RHOQ: variants seen among roughly 807,000 people sequenced by gnomAD.
The protein encoded by RHOQ is rho-related GTP-binding protein RhoQ.
In RHOQ, 7 loss-of-function variants were observed where a neutral mutation model predicts 25.8. The ratio of observed to expected loss-of-function variants is 0.27; its 90% CI spans 0.15 to 0.51. RHOQ has a LOEUF of 0.51. Among genes scored for constraint, RHOQ ranks in the 20% least tolerant of loss-of-function variants. The probability of loss-of-function intolerance (pLI) is 0.97; values close to 1 mark genes in which losing one functional copy is unlikely to be tolerated. For missense variants in RHOQ, 165 were observed against 260.6 expected, an observed-to-expected ratio of 0.63 and a Z score of 2.53; for synonymous variants, 97 against 98.6, an observed-to-expected ratio of 0.98 and a Z score of 0.10.
intron 2 of RHOQ, among the ~76,000 whole-genome samples, chr2:46,562,391 A>G (rs1012772528): frequency 6.6e-6 from 1 of 152,172 alleles, no homozygotes; most frequent in Middle Eastern, 3.2e-3. Context: ...ATGACAGTTT[A>G]TCTGGTGATT....
At chr2:46,562,496 A>C (rs564354150) in intron 2 of RHOQ, among the ~76,000 whole-genome samples, 1 of 152,220 alleles carries the variant, frequency 6.6e-6, no homozygotes, top group Non-Finnish European at 1.5e-5. Flanking sequence ...TGCTTCAGAA[A>C]TGGCACTCCT....
chr2:46,546,473 T>C (rs868642485), intron 2 of RHOQ, among the ~76,000 whole-genome samples: 4 of 18,224 alleles, frequency 2.2e-4, no homozygotes, highest in South Asian at 2.9e-3. Context: ...TATATATATA[T>C]GTGTATATAT....
intron 2 of RHOQ, among the ~76,000 whole-genome samples, chr2:46,574,816 T>C (rs1188841255): frequency 6.6e-6 from 1 of 152,130 alleles, no homozygotes; most frequent in Non-Finnish European, 1.5e-5. Context: ...GAAAGGAAAA[T>C]TGTTCCATGA....
chr2:46,553,210 C>T (rs1192455850), intron 2 of RHOQ, among the ~76,000 whole-genome samples: 1 of 152,220 alleles, frequency 6.6e-6, no homozygotes, highest in African/African-American at 2.4e-5. Context: ...TGTACCTGCT[C>T]TTTGCAACCC....
At position 46,542,619 on chromosome 2, in the gene RHOQ, C is replaced by G. The variant is rs2103969047; in HGVS notation, c.-428C>G. 1 of 146,656 alleles carries G rather than the reference C, an allele frequency of 6.8e-6. No individual in the cohort carries two copies. Among genetic ancestry groups the G allele is most frequent in the Non-Finnish European group, 1.5e-5 (1 of 65,896 alleles). The allele number at this position is 146,656 out of a possible 1,614,324, so 9.1% of individuals were successfully genotyped here. A position where few individuals can be genotyped will look rare whatever the true frequency, so the allele number is the denominator to read the frequency against. On this transcript the variant is annotated 5_prime_UTR_variant, in exon 1 of 5. Coordinates refer to ENST00000238738, the MANE Select transcript of RHOQ (RefSeq NM_012249.4). ...GCTCGGGGAGGCGCCTGGGCCCGCC[C>G]TCCTCCGGGGCGCCGCGGGAGGGGC...
chr2:46,543,844 C>G (rs751074375), intron 2 of RHOQ, 32 bp downstream of exon 2: 2 of 1,596,470 alleles, frequency 1.3e-6, no homozygotes, highest in Admixed American at 1.7e-5. Context: ...CGACGCCCCC[C>G]TCCTGTTCCC....
intron 2 of RHOQ, chr2:46,568,892 A>G (rs1214872421): frequency 6.6e-6 from 1 of 152,238 alleles, no homozygotes. Context: ...TGAATGTTCT[A>G]TCAACATGAA....
At position 46,583,895 on chromosome 2, in the gene RHOQ, A is replaced by C. The variant is rs1045722401; in HGVS notation, c.*2812A>C. Among the ~76,000 whole-genome samples, 2 of 152,212 alleles carry C rather than the reference A, an allele frequency of 1.3e-5. No individual in the cohort carries two copies. Among genetic ancestry groups the C allele is most frequent in the Non-Finnish European group, 2.9e-5 (2 of 68,008 alleles). On this transcript the variant is annotated 3_prime_UTR_variant, in exon 5 of 5. Transcript: ENST00000238738. ...TGAGTTAATCAGTGTTTGCATATAG[A>C]GAATTAGTTCTAAAGTTCTTAAAAA... is the stretch of plus-strand genomic sequence containing the variant.
intron 2 of RHOQ, among the ~76,000 whole-genome samples, chr2:46,554,128 T>C (rs1397899959): frequency 1.3e-5 from 2 of 152,098 alleles, no homozygotes; most frequent in African/African-American, 4.8e-5. Context: ...TGTGTTTTTT[T>C]TTTTTAATTT....
At position 46,563,478 on chromosome 2, in the gene RHOQ, C is replaced by T. The variant is rs141113288; in HGVS notation, c.202-12609C>T. ...TGTGATAGGCCGGGAAGAGCCCCCA[C>T]GGGGAACCGTCTGTAGTATAAAAGG... On this transcript the variant is annotated intron_variant, in intron 2 of 4. Coordinates refer to ENST00000238738, the MANE Select transcript of RHOQ (RefSeq NM_012249.4). Among the ~76,000 whole-genome samples, 380 of 152,174 alleles carry T rather than the reference C, an allele frequency of 2.5e-3. 3 individuals carry two copies. The highest frequency in any genetic ancestry group is 0.024 in the Middle Eastern group (7 of 294).
chr2:46,554,586 A>G (rs549635665), intron 2 of RHOQ, among the ~76,000 whole-genome samples: 343 of 152,318 alleles, frequency 2.3e-3, no homozygotes, highest in African/African-American at 7.3e-3. Flanking sequence ...CCAAAGCATC[A>G]GATGGGCAAT....
At chr2:46,554,182 AC>A (rs1668339996) in intron 2 of RHOQ, among the ~76,000 whole-genome samples, 1 of 150,994 alleles carries the variant, frequency 6.6e-6, no homozygotes, top group Non-Finnish European at 1.5e-5. Context: ...ACCCCCATAT[AC>A]CCTCATTTCT....
In RHOQ at chr2:46,581,853, T is replaced by C. The variant is rs1669392598; in HGVS notation, c.*770T>C. 3.2e-6 allele frequency: 1 copy of C among 309,762 alleles called. No homozygotes were observed. Among genetic ancestry groups the C allele is most frequent in the Non-Finnish European group, 5.8e-6 (1 of 171,972 alleles). The allele number at this position is 309,762 out of a possible 1,614,324, so 19.2% of individuals were successfully genotyped here. A position where few individuals can be genotyped will look rare whatever the true frequency, so the allele number is the denominator to read the frequency against. On this transcript the variant is annotated 3_prime_UTR_variant, in exon 5 of 5. Coordinates refer to ENST00000238738, the MANE Select transcript of RHOQ (RefSeq NM_012249.4). ...AAGTGCATGAGACACATGCTAAAAT[T>C]ACAAATTAAAATTTTGGGTCAGACT... is the stretch of plus-strand genomic sequence containing the variant.
At chr2:46,543,989 A>G (rs1186146552) in intron 2 of RHOQ, among the ~76,000 whole-genome samples, 177 bp downstream of exon 2, 3 of 151,994 alleles carry the variant, frequency 2.0e-5, no homozygotes, top group Non-Finnish European at 2.9e-5. Context: ...AAACAAAACA[A>G]ACAGAGCCGG....
chr2:46,561,223 CAGGTATCAAAGACATTGGCCAGGCAGG>C (rs1668568352), intron 2 of RHOQ, among the ~76,000 whole-genome samples: 1 of 145,522 alleles, frequency 6.9e-6, no homozygotes, highest in Non-Finnish European at 1.5e-5. Context: ...ACCTTTGATA[CAGGTATCAAAGACATTGGCCAGGCAGG>C]AAGAGTACGG....
chr2:46,575,549 T>TG, intron 2 of RHOQ, among the ~76,000 whole-genome samples: 1 of 152,114 alleles, frequency 6.6e-6, no homozygotes, highest in Admixed American at 6.6e-5. Flanking sequence ...AGGATTTGAA[T>TG]CTCAGCTCCT....
rs1268296958 is a variant in RHOQ, at chr2:46,556,995, ACATAAAC to A, written c.201+13186_201+13192del. Among the ~76,000 whole-genome samples, 1 of 152,232 alleles carries A rather than the reference ACATAAAC, an allele frequency of 6.6e-6. No homozygotes were observed. Among genetic ancestry groups the A allele is most frequent in the Non-Finnish European group, 1.5e-5 (1 of 68,040 alleles). On this transcript the variant is annotated intron_variant, in intron 2 of 4. Transcript: ENST00000238738. This position sits in a 1 kb window ranked among gnomAD's most constrained non-coding sequence, Gnocchi z 4.9. ...TAGCCCCAGTGGAAAAATGGACAAG[ACATAAAC>A]CAATAGCTCACAAGAGAAGAAAAAC...
At chr2:46,579,228 CCT>C (rs1037697138) in intron 4 of RHOQ, among the ~76,000 whole-genome samples, 27 of 152,276 alleles carry the variant, frequency 1.8e-4, no homozygotes, top group African/African-American at 5.5e-4. Flanking sequence ...GTTTTTCTCC[CCT>C]CTCATTGGAC....
At chr2:46,554,206 A>C (rs556326585) in intron 2 of RHOQ, among the ~76,000 whole-genome samples, 10 of 151,480 alleles carry the variant, frequency 6.6e-5, no homozygotes, top group African/African-American at 2.4e-4. Context: ...TTCTTTACAC[A>C]TGGTTGAGAT....
Sources: allele counts gnomAD v4.1 joint callset (sites outside exome capture counted in the v4.1 genomes callset), GRCh38; gene constraint gnomAD v4.1.1; non-coding constraint Gnocchi (gnomAD v3.1); transcripts MANE v1.5; gene names NCBI Gene and HGNC (gene_info 2026-07-23, HGNC 2026-07-21).